Variants in CCNT2 observed in about 807,000 individuals in gnomAD.
CCNT2 encodes cyclin-T2.
A neutral mutation model predicts 70.0 loss-of-function variants in CCNT2; 18 were observed. The ratio of observed to expected loss-of-function variants is 0.26; its 90% CI spans 0.18 to 0.38. The LOEUF is 0.38. CCNT2 is among the 10% of genes least tolerant of loss of function. The pLI, the probability that CCNT2 is intolerant of heterozygous loss-of-function variation, is 1.00. For synonymous variants in CCNT2, 334 were observed against 313.3 expected, an observed-to-expected ratio of 1.07 and a Z score of -0.70; for missense variants, 734 against 890.2, an observed-to-expected ratio of 0.82 and a Z score of 2.23.
chr2:134,925,533 G>C (rs1273195081), intron 2 of CCNT2, among the ~76,000 whole-genome samples: 1 of 152,052 alleles, frequency 6.6e-6, no homozygotes, highest in African/African-American at 2.4e-5. Flanking sequence ...GTTGTCCTTT[G>C]TGACTGACTT....
chr2:134,944,467 T>A (rs1681803374), intron 5 of CCNT2: 1 of 966,190 alleles, frequency 1.0e-6, no homozygotes, highest in African/African-American at 1.8e-5. Flanking sequence ...GAGATTAATA[T>A]TTTTTGTACA....
At chr2:134,926,192 T>C (rs918001226) in intron 2 of CCNT2, among the ~76,000 whole-genome samples, 4 of 152,180 alleles carry the variant, frequency 2.6e-5, no homozygotes, top group East Asian at 1.9e-4. Flanking sequence ...TTCTAGTCTT[T>C]TCTTACAGTC....
At chr2:134,919,157 A>T in intron 1 of CCNT2, 145 bp downstream of exon 1, 2 of 907,214 alleles carry the variant, frequency 2.2e-6, no homozygotes, top group South Asian at 1.7e-5. Context: ...CGGCTCGGGC[A>T]GTCGCGAGGG....
At chr2:134,919,096 C>A in intron 1 of CCNT2, 84 bp downstream of exon 1, 2 of 1,454,674 alleles carry the variant, frequency 1.4e-6, no homozygotes, top group African/African-American at 1.4e-5. Flanking sequence ...ATGGCGCCGC[C>A]GGCCTCGGCC....
chr2:134,927,748 ACATAC>A (rs1680400376), intron 2 of CCNT2, among the ~76,000 whole-genome samples: 1 of 152,318 alleles, frequency 6.6e-6, no homozygotes, highest in East Asian at 1.9e-4. Context: ...TTTATTATAA[ACATAC>A]ATATACATTC....
At chr2:134,919,059 G>C in intron 1 of CCNT2, 47 bp downstream of exon 1, 2 of 1,537,914 alleles carry the variant, frequency 1.3e-6, no homozygotes, top group Non-Finnish European at 1.8e-6. Context: ...TCCCTTGCCC[G>C]GTCGCCGGGC....
chr2:134,943,125 G>C, intron 5 of CCNT2: 2 of 982,430 alleles, frequency 2.0e-6, no homozygotes, highest in Non-Finnish European at 2.4e-6. Context: ...AGATTTGTCA[G>C]TACGGTGGCT....
intron 8 of CCNT2, 77 bp downstream of exon 8, chr2:134,952,788 G>A: frequency 9.4e-7 from 1 of 1,059,314 alleles, no homozygotes. Context: ...TTGAATTTTT[G>A]TGGTTAAATA....
At chr2:134,935,297 A>G (rs947379027) in intron 2 of CCNT2, among the ~76,000 whole-genome samples, 1 of 152,238 alleles carries the variant, frequency 6.6e-6, no homozygotes, top group Non-Finnish European at 1.5e-5. Context: ...GCCAAACTCT[A>G]TTTTACATCT....
chr2:134,937,088 A>C (rs1164913436), intron 3 of CCNT2, 119 bp downstream of exon 3: 17 of 599,006 alleles, frequency 2.8e-5, no homozygotes, highest in Non-Finnish European at 4.5e-5. Context: ...TTGTTTTATT[A>C]CCTCTTAGGA....
Position 134,919,831 on chromosome 2 carries a change from T to G in CCNT2, c.180T>G (p.Thr60=). 1 of 1,612,584 alleles carries G rather than the reference T, an allele frequency of 6.2e-7. No homozygotes were observed. Among genetic ancestry groups the G allele is most frequent in the Non-Finnish European group, 8.5e-7 (1 of 1,179,130 alleles). ...CCAGCTCTCAGCTTACAATAAACACTGCGATTGTTTATATGCACAGGTTTT... is the reference window on the plus strand; with the variant it reads ...CCAGCTCTCAGCTTACAATAAACACGGCGATTGTTTATATGCACAGGTTTT... ...RLNVSQLTIN[T]AIVYMHRFYM... is the part of the protein sequence containing the mutation. The change falls in exon 2 of 9, where the codon ACT becomes ACG. Residue 60 remains threonine, a synonymous_variant. Coordinates refer to ENST00000264157, the MANE Select transcript of CCNT2 (RefSeq NM_058241.3).
rs768789926 is a variant in CCNT2 at position 134,958,599 on chromosome 2, A to T, written c.*3951A>T. ...TTGAGAATCACATTCTGATACGTTA[A>T]TATCAGAAATCAGTGAGCAACCTAA... On this transcript the variant is annotated 3_prime_UTR_variant, in exon 9 of 9. Coordinates refer to ENST00000264157, the MANE Select transcript of CCNT2 (RefSeq NM_058241.3). 4 of 152,236 alleles carry T rather than the reference A, an allele frequency of 2.6e-5. No individual in the cohort carries two copies. Among genetic ancestry groups the T allele is most frequent in the African/African-American group, 4.8e-5 (2 of 41,454 alleles). The allele number at this position is 152,236 out of a possible 1,614,324, so 9.4% of individuals were successfully genotyped here.
At chr2:134,938,025 A>T (rs953403873) in intron 3 of CCNT2, among the ~76,000 whole-genome samples, 2 of 152,216 alleles carry the variant, frequency 1.3e-5, no homozygotes, top group Non-Finnish European at 2.9e-5. Flanking sequence ...TTAAGCTTCA[A>T]TGGAACTATA....
At chr2:134,938,898 G>A (rs1681357651) in intron 3 of CCNT2, 104 bp from the exon 4 acceptor site, 1 of 675,184 alleles carries the variant, frequency 1.5e-6, no homozygotes, top group Admixed American at 2.5e-5. Flanking sequence ...AAACTACTGT[G>A]GTTCTTTTGT....
chr2:134,930,333 A>G (rs540106105), intron 2 of CCNT2, among the ~76,000 whole-genome samples: 7 of 152,186 alleles, frequency 4.6e-5, no homozygotes, highest in Non-Finnish European at 1.0e-4. Flanking sequence ...CTGCAGAGTA[A>G]TTAATATTCT....
At chr2:134,942,409 C>G (rs1223671012) in intron 4 of CCNT2, among the ~76,000 whole-genome samples, 2 of 152,026 alleles carry the variant, frequency 1.3e-5, no homozygotes, top group Non-Finnish European at 2.9e-5. Context: ...TACCCTTGGT[C>G]TTTTAACTTT....
chr2:134,952,265 C>T (rs1352405149), intron 7 of CCNT2, among the ~76,000 whole-genome samples: 1 of 152,012 alleles, frequency 6.6e-6, no homozygotes, highest in Non-Finnish European at 1.5e-5. Context: ...ATACAAATAA[C>T]GTTTTTCCTC....
intron 2 of CCNT2, among the ~76,000 whole-genome samples, chr2:134,933,903 A>C (rs79743242): frequency 6.6e-6 from 1 of 152,144 alleles, no homozygotes; most frequent in African/African-American, 2.4e-5. Context: ...TATTTCTCCC[A>C]TTTTACAGAT....
In CCNT2 at chr2:134,956,188, A is replaced by T. The variant is rs983299806; in HGVS notation, c.*1540A>T. ...TTCTCTGTATTTTTGTTACAAAGCCACTGATACGTGCACAATTGTAATTAA... is the reference window on the plus strand; with the variant it reads ...TTCTCTGTATTTTTGTTACAAAGCCTCTGATACGTGCACAATTGTAATTAA... On this transcript the variant is annotated 3_prime_UTR_variant, in exon 9 of 9. Transcript: ENST00000264157. The T allele has an allele frequency of 6.5e-6, 1 of 152,792 alleles. No individual in the cohort carries two copies. The highest frequency in any genetic ancestry group is 6.5e-5 in the Admixed American group (1 of 15,302). The allele number at this position is 152,792 out of a possible 1,614,324, so 9.5% of individuals were successfully genotyped here.
Sources: allele counts gnomAD v4.1 joint callset (sites outside exome capture counted in the v4.1 genomes callset), GRCh38; gene constraint gnomAD v4.1.1; transcripts MANE v1.5; gene names NCBI Gene and HGNC (gene_info 2026-07-23, HGNC 2026-07-21).